Variants in EFR3B observed in about 807,000 individuals in gnomAD.
EFR3B encodes the protein EFR3 homolog B.
A neutral mutation model predicts 104.7 loss-of-function variants in EFR3B; 64 were observed. The observed-to-expected ratio is 0.61, with a 90% confidence interval of 0.50 to 0.75. The LOEUF (loss-of-function observed/expected upper bound fraction) is 0.75. Ranked by LOEUF, EFR3B falls within the 30% of genes least tolerant of loss-of-function variation. The pLI is 0.00. For missense variants in EFR3B, 750 were observed against 1,078.5 expected (o/e 0.70, Z 4.27); for synonymous variants, 385 against 417.9 (o/e 0.92, Z 0.96).
intron 19 of EFR3B, among the ~76,000 whole-genome samples, chr2:25,148,376 C>T (rs1440441978): frequency 6.6e-6 from 1 of 151,828 alleles, no homozygotes; most frequent in Non-Finnish European, 1.5e-5. Flanking sequence ...GCCTCAGACT[C>T]CCCAAGTAGC....
chr2:25,071,276 T>C (rs1006891961), intron 1 of EFR3B, among the ~76,000 whole-genome samples: 9 of 148,606 alleles, frequency 6.1e-5, no homozygotes, highest in African/African-American at 2.0e-4. Flanking sequence ...TTTTTTTTTT[T>C]CTGAGACAGA....
At chr2:25,145,171 A>T (rs1573236778) in intron 19 of EFR3B, 120 bp downstream of exon 19, 16 of 863,452 alleles carry the variant, frequency 1.9e-5, no homozygotes, top group Non-Finnish European at 3.0e-5. Flanking sequence ...TTTCTCGAGT[A>T]ATTCCACACT....
At chr2:25,091,186 C>T (rs530209622) in intron 1 of EFR3B, 139 bp from the exon 2 acceptor site, 75 of 720,094 alleles carry the variant, frequency 1.0e-4, no homozygotes, top group African/African-American at 7.3e-5. Context: ...GACAAGGCCC[C>T]GAGCCCTCCA....
At chr2:25,067,328 C>T (rs895660074) in intron 1 of EFR3B, among the ~76,000 whole-genome samples, 3 of 152,078 alleles carry the variant, frequency 2.0e-5, no homozygotes, top group South Asian at 2.1e-4. Flanking sequence ...GCATATTTCA[C>T]GCACATATTT....
chr2:25,150,301 A>G, intron 20 of EFR3B, among the ~76,000 whole-genome samples: 1 of 100,412 alleles, frequency 1.0e-5, no homozygotes, highest in African/African-American at 5.5e-5. Context: ...CTCCCATCTC[A>G]AAAAAAAAAA....
intron 20 of EFR3B, among the ~76,000 whole-genome samples, chr2:25,150,965 A>T (rs1344024156): frequency 2.0e-5 from 3 of 151,814 alleles, no homozygotes; most frequent in East Asian, 1.9e-4. Context: ...CACACCTGTA[A>T]TCCCAGCACT....
rs1343087561 is a variant in EFR3B at position 25,042,086 on chromosome 2, A to G, written c.-227A>G. On this transcript the variant is annotated 5_prime_UTR_variant, in exon 1 of 23. Coordinates refer to ENST00000403714, the MANE Select transcript of EFR3B (RefSeq NM_014971.2). This position sits in a 1 kb window ranked among gnomAD's most constrained non-coding sequence, Gnocchi z 5.4. Reference sequence around the variant, plus strand: ...CCGCCCCCTGCGCGCAGCAGTGCCCAGCAACCCGAGCGGAGGCGGCCGCTG... The same window carrying G: ...CCGCCCCCTGCGCGCAGCAGTGCCCGGCAACCCGAGCGGAGGCGGCCGCTG... The G allele has an allele frequency of 3.3e-6, 1 of 299,986 alleles. No homozygotes were observed. Among genetic ancestry groups the G allele is most frequent in the Non-Finnish European group, 6.0e-6 (1 of 167,100 alleles). The allele number at this position is 299,986 out of a possible 1,614,324, so 18.6% of individuals were successfully genotyped here.
intron 3 of EFR3B, 31 bp from the exon 4 acceptor site, chr2:25,103,606 G>A (rs1439590063): frequency 2.5e-5 from 38 of 1,539,086 alleles, no homozygotes; most frequent in Non-Finnish European, 3.1e-5. Context: ...GCAGGGGCGC[G>A]GCCAGTGACG....
chr2:25,079,755 AAATGC>A (rs1668738123), intron 1 of EFR3B: 1 of 539,148 alleles, frequency 1.9e-6, no homozygotes, highest in East Asian at 4.2e-5. Context: ...AAATAGAATT[AAATGC>A]AAACCAAATG....
In EFR3B at chr2:25,159,006, G is replaced by A. The variant is rs768514297; in HGVS notation, c.*4666G>A. The A allele has an allele frequency of 1.3e-5, 2 of 152,156 alleles. No individual in the cohort carries two copies. Among genetic ancestry groups the A allele is most frequent in the Non-Finnish European group, 2.9e-5 (2 of 68,028 alleles). The allele number at this position is 152,156 out of a possible 1,614,324, so 9.4% of individuals were successfully genotyped here. ...TTGGTTAGTTTTATTTTAGGGAAGT[G>A]GGAAAGGCGGAGTGGGGGGAAGTAT... On this transcript the variant is annotated 3_prime_UTR_variant, in exon 23 of 23. Transcript: ENST00000403714.
chr2:25,102,625 C>G (rs1430144860), intron 3 of EFR3B, among the ~76,000 whole-genome samples: 1 of 152,060 alleles, frequency 6.6e-6, no homozygotes, highest in East Asian at 1.9e-4. Context: ...CCTGGTGCCC[C>G]CCTTGACACG....
intron 1 of EFR3B, among the ~76,000 whole-genome samples, chr2:25,069,414 C>T (rs943519480): frequency 3.3e-5 from 5 of 152,134 alleles, no homozygotes; most frequent in Admixed American, 1.3e-4. Flanking sequence ...GTAGGCTAGG[C>T]GACCCCCAAA....
In EFR3B at chr2:25,127,453, A is replaced by G. The variant is rs567508119; in HGVS notation, c.486-730A>G. The stretch of plus-strand genomic sequence containing the variant: ...AAAATGCCAATAACAGTTATGTTTG[A>G]TAACAAAGATAACAGTGGTAGTGGT... On this transcript the variant is annotated intron_variant, in intron 5 of 22. Transcript: ENST00000403714. Among the ~76,000 whole-genome samples, 182 of 152,348 alleles carry G rather than the reference A, an allele frequency of 1.2e-3. 4 individuals carry two copies. In the South Asian group the frequency reaches 0.036, roughly 30 times the overall value.
intron 1 of EFR3B, among the ~76,000 whole-genome samples, chr2:25,059,584 G>GC (rs1668128073): frequency 7.4e-6 from 1 of 134,794 alleles, no homozygotes; most frequent in Non-Finnish European, 1.6e-5. Context: ...GGGGGGGGGG[G>GC]GGTGGAGATT....
intron 4 of EFR3B, 120 bp downstream of exon 4, chr2:25,103,907 G>A (rs1669493955): frequency 8.1e-7 from 1 of 1,235,654 alleles, no homozygotes; most frequent in Admixed American, 2.6e-5. Context: ...CCAACCCTAA[G>A]TGTGACACAC....
intron 1 of EFR3B, among the ~76,000 whole-genome samples, chr2:25,085,252 T>C (rs1226206993): frequency 2.0e-5 from 3 of 152,132 alleles, no homozygotes; most frequent in Non-Finnish European, 4.4e-5. Context: ...GAAACTTAAG[T>C]CTCAAAGGTC....
intron 1 of EFR3B, among the ~76,000 whole-genome samples, chr2:25,047,863 A>G (rs968044798): frequency 2.0e-5 from 3 of 152,254 alleles, no homozygotes; most frequent in African/African-American, 7.2e-5. Context: ...AAGATTAAGA[A>G]CAGTACTGTG....
chr2:25,109,872 T>C (rs1461363041), intron 4 of EFR3B, among the ~76,000 whole-genome samples: 1 of 152,220 alleles, frequency 6.6e-6, no homozygotes, highest in African/African-American at 2.4e-5. Flanking sequence ...ACTTCAATTT[T>C]TTAAAAAGTT....
chr2:25,092,455 A>G (rs1194030682), intron 2 of EFR3B, among the ~76,000 whole-genome samples: 1 of 151,890 alleles, frequency 6.6e-6, no homozygotes, highest in East Asian at 1.9e-4. Flanking sequence ...GTATATATAT[A>G]CACACCCATA....
Sources: allele counts gnomAD v4.1 joint callset (sites outside exome capture counted in the v4.1 genomes callset), GRCh38; gene constraint gnomAD v4.1.1; non-coding constraint Gnocchi (gnomAD v3.1); transcripts MANE v1.5; gene names NCBI Gene and HGNC (gene_info 2026-07-23, HGNC 2026-07-21).